Variants in SYN3 observed in about 807,000 individuals in gnomAD.
The protein encoded by SYN3 is synapsin III, also known as synapsin-3.
In SYN3, 35 loss-of-function variants were observed where a neutral mutation model predicts 65.8. That is an observed-to-expected ratio of 0.53 (90% CI 0.41 to 0.70). The LOEUF is 0.70. Among genes scored for constraint, SYN3 ranks in the 30% least tolerant of loss-of-function variants. The probability of loss-of-function intolerance (pLI) is 0.00; values close to 1 mark genes in which losing one functional copy is unlikely to be tolerated. For synonymous variants in SYN3, 270 were observed against 292.9 expected, an observed-to-expected ratio of 0.92 and a Z score of 0.80; for missense variants, 680 against 749.0, an observed-to-expected ratio of 0.91 and a Z score of 1.08.
chr22:32,959,806 G>A (rs1177890637), intron 3 of SYN3, among the ~76,000 whole-genome samples: 1 of 152,094 alleles, frequency 6.6e-6, no homozygotes, highest in Non-Finnish European at 1.5e-5. Flanking sequence ...TGTTGCCCAA[G>A]CTGGTCTCAG....
At position 32,921,637 on chromosome 22, in the gene SYN3, A is replaced by G. The variant is rs146617885; in HGVS notation, c.461+9753T>C. Among the ~76,000 whole-genome samples, 473 of 152,322 alleles carry G rather than the reference A, an allele frequency of 3.1e-3. 1 individual carries two copies. The highest frequency in any genetic ancestry group is 0.011 in the African/African-American group (441 of 41,554). On this transcript the variant is annotated intron_variant, in intron 4 of 13. Transcript: ENST00000358763. ...CTTTCTAAAAGTGTGATCTGGGGCA[A>G]TGAAATCAATGACAATGATTTAACT...
chr22:32,697,884 C>T (rs970022806), intron 6 of SYN3, among the ~76,000 whole-genome samples: 1 of 152,154 alleles, frequency 6.6e-6, no homozygotes, highest in East Asian at 1.9e-4. Context: ...AACTTTGATA[C>T]TCTGCCATCA....
chr22:32,824,782 C>G (rs2047353135), intron 6 of SYN3, among the ~76,000 whole-genome samples: 1 of 152,152 alleles, frequency 6.6e-6, no homozygotes, highest in Non-Finnish European at 1.5e-5. Context: ...AGGCAGATGT[C>G]TTTGATACTG....
At chr22:32,959,150 C>A (rs553308466) in intron 3 of SYN3, among the ~76,000 whole-genome samples, 36 of 152,116 alleles carry the variant, frequency 2.4e-4, no homozygotes, top group African/African-American at 8.7e-4. Flanking sequence ...GGTTAGTTCC[C>A]CCATACTATT....
At chr22:32,939,495 A>T (rs1160151823) in intron 3 of SYN3, among the ~76,000 whole-genome samples, 2 of 152,146 alleles carry the variant, frequency 1.3e-5, no homozygotes, top group Admixed American at 1.3e-4. Flanking sequence ...GAACCCCTGA[A>T]TCCTCCCTCA....
chr22:32,973,880 C>T (rs2052099852), intron 3 of SYN3, among the ~76,000 whole-genome samples: 1 of 152,242 alleles, frequency 6.6e-6, no homozygotes, highest in African/African-American at 2.4e-5. Flanking sequence ...CCTCTGCCTC[C>T]TGGGTTCAAG....
rs143242401 is a variant in SYN3 at position 32,706,240 on chromosome 22, T to C, written c.712-109504A>G. 2.8e-3 allele frequency among the ~76,000 whole-genome samples: 420 copies of C among 152,246 alleles called. 1 individual carries two copies. The highest frequency in any genetic ancestry group is 0.01 in the Middle Eastern group (3 of 294). On this transcript the variant is annotated intron_variant, in intron 6 of 13. Transcript: ENST00000358763. The stretch of plus-strand genomic sequence containing the variant: ...ATTATTTTGAGGTATGTTCCTTCAA[T>C]ACCTACATACTGAGGAACTTTTAAT...
intron 10 of SYN3, among the ~76,000 whole-genome samples, chr22:32,532,184 C>T (rs115815765): frequency 0.084 from 11,884 of 140,972 alleles, no homozygotes; most frequent in African/African-American, 0.27. Context: ...GGGGCTGGCT[C>T]CTGGAGCAGC....
chr22:32,585,894 ACGTATATATG>A (rs1569064744), intron 7 of SYN3, among the ~76,000 whole-genome samples: 2 of 149,664 alleles, frequency 1.3e-5, no homozygotes, highest in African/African-American at 2.5e-5. Flanking sequence ...ACGTATATAT[ACGTATATATG>A]TGTATGTATA....
intron 6 of SYN3, among the ~76,000 whole-genome samples, chr22:32,627,412 T>A (rs555840035): frequency 6.6e-6 from 1 of 152,246 alleles, no homozygotes; most frequent in African/African-American, 2.4e-5. Flanking sequence ...TCTACACTTA[T>A]GCACACCTAC....
chr22:32,763,350 A>G (rs958396660), intron 6 of SYN3, among the ~76,000 whole-genome samples: 1 of 151,388 alleles, frequency 6.6e-6, no homozygotes, highest in African/African-American at 2.4e-5. Context: ...ATGGGGTTTT[A>G]CCATGTTAGC....
chr22:32,589,522 A>G (rs2059099177), intron 7 of SYN3, among the ~76,000 whole-genome samples: 2 of 152,164 alleles, frequency 1.3e-5, no homozygotes, highest in African/African-American at 4.8e-5. Context: ...CTCACATAAT[A>G]CTTAATCTCT....
intron 6 of SYN3, among the ~76,000 whole-genome samples, chr22:32,597,269 G>A (rs1279008648): frequency 4.7e-5 from 6 of 127,570 alleles, no homozygotes; most frequent in Non-Finnish European, 4.7e-5. Flanking sequence ...AGGCTGGAGT[G>A]CAATGGCACG....
At position 32,527,675 on chromosome 22, in the gene SYN3, T is replaced by A. The variant is rs116195721; in HGVS notation, c.1318+243A>T. 2,565 of 411,750 alleles carry A rather than the reference T, an allele frequency of 6.2e-3. 56 individuals are homozygous for A. The highest frequency in any genetic ancestry group is 0.045 in the African/African-American group (2,176 of 48,236). The allele number at this position is 411,750 out of a possible 1,614,324, so 25.5% of individuals were successfully genotyped here. ...GGGAAAATAAAAGTGAGAAAATAGGTGGGACATTCCCTGGCACAGTGCTTG... is the reference window on the plus strand; with the variant it reads ...GGGAAAATAAAAGTGAGAAAATAGGAGGGACATTCCCTGGCACAGTGCTTG... On this transcript the variant is annotated intron_variant, in intron 12 of 13. Coordinates refer to ENST00000358763, the MANE Select transcript of SYN3 (RefSeq NM_003490.4).
rs190698340 is a variant in SYN3 at position 32,634,531 on chromosome 22, C to A, written c.712-37795G>T. Among the ~76,000 whole-genome samples the A allele has an allele frequency of 2.0e-5, 3 of 152,334 alleles. No individual in the cohort carries two copies. In the East Asian group the frequency reaches 5.8e-4, roughly 29 times the overall value. On this transcript the variant is annotated intron_variant, in intron 6 of 13. Transcript: ENST00000358763. ...ATCTAAAATGCATATCTGACCAGGGCACTCTAACTCAAAATCACTAGACAG... is the reference window on the plus strand; with the variant it reads ...ATCTAAAATGCATATCTGACCAGGGAACTCTAACTCAAAATCACTAGACAG...
chr22:33,039,136 G>C lies in SYN3; in HGVS notation c.-163+19156C>G, dbSNP rs140382534. ...CACCAGGCTCCTGGCAATCCTGGGA[G>C]ATGGGTGTCACCAATCCTATCGTAT... is the stretch of plus-strand genomic sequence containing the variant. On this transcript the variant is annotated intron_variant, in intron 1 of 13. Coordinates refer to ENST00000358763, the MANE Select transcript of SYN3 (RefSeq NM_003490.4). 2.4e-4 allele frequency among the ~76,000 whole-genome samples: 36 copies of C among 152,312 alleles called. No individual in the cohort carries two copies. The East Asian group carries it at 6.4e-3, about 27-fold the overall frequency.
intron 3 of SYN3, among the ~76,000 whole-genome samples, chr22:32,937,495 A>C (rs1408123313): frequency 6.6e-6 from 1 of 152,168 alleles, no homozygotes; most frequent in African/African-American, 2.4e-5. Flanking sequence ...ACTTACAATC[A>C]TGGTGGAAGG....
At chr22:32,522,710 A>G (rs549986732) in intron 12 of SYN3, among the ~76,000 whole-genome samples, 3 of 152,166 alleles carry the variant, frequency 2.0e-5, no homozygotes, top group African/African-American at 7.2e-5. Context: ...CCTTCTACGC[A>G]CTATCTCTGT....
chr22:32,775,987 T>G (rs73395581), intron 6 of SYN3, among the ~76,000 whole-genome samples: 2 of 152,128 alleles, frequency 1.3e-5, no homozygotes, highest in Non-Finnish European at 2.9e-5. Flanking sequence ...GAGATTATCC[T>G]AGATCACCCA....
Sources: allele counts gnomAD v4.1 joint callset (sites outside exome capture counted in the v4.1 genomes callset), GRCh38; gene constraint gnomAD v4.1.1; transcripts MANE v1.5; gene names NCBI Gene and HGNC (gene_info 2026-07-23, HGNC 2026-07-21).